Variants in TOR1AIP1 observed in about 807,000 individuals in gnomAD.
TOR1AIP1 encodes torsin 1A interacting protein 1.
In TOR1AIP1, 54 loss-of-function variants were observed where a neutral mutation model predicts 63.3. The ratio of observed to expected loss-of-function variants is 0.85; its 90% CI spans 0.69 to 1.07. The LOEUF (loss-of-function observed/expected upper bound fraction) is 1.07. TOR1AIP1 is among the 50% of genes least tolerant of loss of function. The pLI is 0.00. For missense variants in TOR1AIP1, 736 were observed against 715.0 expected, an observed-to-expected ratio of 1.03 and a Z score of -0.33; for synonymous variants, 294 against 273.5, an observed-to-expected ratio of 1.07 and a Z score of -0.74.
At chr1:179,915,085 TG>T (rs1334884337) in intron 9 of TOR1AIP1, among the ~76,000 whole-genome samples, 1 of 152,232 alleles carries the variant, frequency 6.6e-6, no homozygotes. Context: ...TATATGCTTC[TG>T]TATGCAGTCT....
intron 3 of TOR1AIP1, among the ~76,000 whole-genome samples, chr1:179,897,709 T>C (rs1648330722): frequency 6.6e-6 from 1 of 152,206 alleles, no homozygotes; most frequent in African/African-American, 2.4e-5. Flanking sequence ...GGGACCTTAG[T>C]AAAGCCTACT....
chr1:179,917,742 G>A lies in TOR1AIP1; in HGVS notation c.1255G>A (p.Glu419Lys), dbSNP rs747664520. 23 of 1,614,058 alleles carry A rather than the reference G, an allele frequency of 1.4e-5. No homozygotes were observed. The Admixed American group carries it at 1.5e-4, about 11-fold the overall frequency. ...ACTGCTCACTGCTGCCCGAGATGCTGAAGAAGCACTTAGGTGTCTGAGTGA... is the reference window on the plus strand; with the variant it reads ...ACTGCTCACTGCTGCCCGAGATGCTAAAGAAGCACTTAGGTGTCTGAGTGA... ...ILLLTAARDA[E>K]EALRCLSEQI... The change falls in exon 10 of 10, where the codon GAA becomes AAA. Residue 419 changes from glutamate (E) to lysine (K), a missense_variant. Transcript: ENST00000606911.
intron 3 of TOR1AIP1, among the ~76,000 whole-genome samples, chr1:179,891,058 C>T (rs1299674543): frequency 6.6e-6 from 1 of 152,120 alleles, no homozygotes; most frequent in African/African-American, 2.4e-5. Flanking sequence ...TAGGACCTCC[C>T]ATAAACAGCC....
At position 179,902,781 on chromosome 1, in the gene TOR1AIP1, A is replaced by G. The variant is rs76827983; in HGVS notation, c.740-1185A>G. On this transcript the variant is annotated intron_variant, in intron 5 of 9. Transcript: ENST00000606911. ...ATTGTTGTGGGGGTTAAATTAATTC[A>G]TATATGCAAAGCACTTACCTGGCAC... Among the ~76,000 whole-genome samples, 859 of 152,306 alleles carry G rather than the reference A, an allele frequency of 5.6e-3. 4 individuals carry two copies. The highest frequency in any genetic ancestry group is 8.1e-3 in the Non-Finnish European group (553 of 68,036).
At chr1:179,908,533 T>G (rs1648722541) in intron 7 of TOR1AIP1, 72 bp from the exon 8 acceptor site, 1 of 1,253,842 alleles carries the variant, frequency 8.0e-7, no homozygotes, top group South Asian at 1.3e-5. Context: ...TAGATTAATT[T>G]TATAACACTG....
At chr1:179,898,179 TG>T (rs1648342820) in intron 3 of TOR1AIP1, among the ~76,000 whole-genome samples, 1 of 152,162 alleles carries the variant, frequency 6.6e-6, no homozygotes, top group Non-Finnish European at 1.5e-5. Flanking sequence ...TGTAATAGAC[TG>T]GAAGTCAGAA....
rs1332925790 is a variant in TOR1AIP1, at chr1:179,891,740, A to G, written c.610+2371A>G. Among the ~76,000 whole-genome samples the G allele has an allele frequency of 5.3e-5, 8 of 151,378 alleles. No homozygotes were observed. The South Asian group carries it at 1.7e-3, about 32-fold the overall frequency. On this transcript the variant is annotated intron_variant, in intron 3 of 9. Transcript: ENST00000606911. ...ACCATGACACCCAGCTAATTTTTGT[A>G]TATTTAGTAGAGATGGGGTTTCACC...
chr1:179,918,195 C>T lies in TOR1AIP1; in HGVS notation c.1708C>T (p.Pro570Ser). The part of the protein sequence containing the change: ...LWSRISHLVL[P>S]VQPENALKRG... ...GAGCCGTATTTCTCACTTAGTTCTG[C>T]CTGTGCAACCTGAAAATGCCCTGAA... The change falls in exon 10 of 10, where the codon CCT becomes TCT. Residue 570 changes from proline (P) to serine (S), a missense_variant. By Grantham distance (74) the Pro-to-Ser change is moderately conservative. Coordinates refer to ENST00000606911, the MANE Select transcript of TOR1AIP1 (RefSeq NM_015602.4). 1 of 1,607,588 alleles carries T rather than the reference C, an allele frequency of 6.2e-7. No individual in the cohort carries two copies. The highest frequency in any genetic ancestry group is 8.5e-7 in the Non-Finnish European group (1 of 1,179,502).
chr1:179,899,174 C>G (rs1648371920), intron 3 of TOR1AIP1, among the ~76,000 whole-genome samples: 1 of 151,898 alleles, frequency 6.6e-6, no homozygotes, highest in Non-Finnish European at 1.5e-5. Context: ...TTGAAGAAGT[C>G]TAAATCATGC....
chr1:179,893,156 T>C (rs1648153757), intron 3 of TOR1AIP1, among the ~76,000 whole-genome samples: 1 of 151,828 alleles, frequency 6.6e-6, no homozygotes, highest in East Asian at 1.9e-4. Context: ...GCAGGGAGAA[T>C]TGCCTGAACC....
At chr1:179,909,647 A>G (rs1409949546) in intron 8 of TOR1AIP1, among the ~76,000 whole-genome samples, 1 of 152,188 alleles carries the variant, frequency 6.6e-6, no homozygotes, top group Non-Finnish European at 1.5e-5. Flanking sequence ...CATATTGGTC[A>G]GGCTGGTCTT....
chr1:179,907,591 CTTTA>C (rs1558044867), intron 6 of TOR1AIP1, among the ~76,000 whole-genome samples: 1 of 133,726 alleles, frequency 7.5e-6, no homozygotes, highest in South Asian at 2.2e-4. Context: ...TACACACACA[CTTTA>C]TATATATATA....
chr1:179,885,691 T>C (rs115686233), intron 2 of TOR1AIP1, among the ~76,000 whole-genome samples: 24 of 152,336 alleles, frequency 1.6e-4, no homozygotes, highest in Non-Finnish European at 3.5e-4. Flanking sequence ...AGAATAAGTA[T>C]GTCTGGTTCA....
At chr1:179,914,097 T>C (rs757017269) in intron 9 of TOR1AIP1, 43 bp downstream of exon 9, 3 of 1,551,068 alleles carry the variant, frequency 1.9e-6, no homozygotes, top group South Asian at 2.3e-5. Context: ...TTCTGTAAAA[T>C]TGGTATTCCA....
intron 3 of TOR1AIP1, among the ~76,000 whole-genome samples, chr1:179,897,539 G>A (rs753483563): frequency 6.6e-6 from 1 of 152,150 alleles, no homozygotes; most frequent in African/African-American, 2.4e-5. Flanking sequence ...ACTGTGTACT[G>A]TACTGTACTA....
At chr1:179,914,104 T>G in intron 9 of TOR1AIP1, 50 bp downstream of exon 9, 1 of 1,523,888 alleles carries the variant, frequency 6.6e-7, no homozygotes, top group Non-Finnish European at 9.0e-7. Flanking sequence ...AAATTGGTAT[T>G]CCATAATTGT....
At chr1:179,909,336 G>C (rs1036719659) in intron 8 of TOR1AIP1, among the ~76,000 whole-genome samples, 1 of 152,080 alleles carries the variant, frequency 6.6e-6, no homozygotes, top group Non-Finnish European at 1.5e-5. Flanking sequence ...CATAATAAAG[G>C]CTGAAATGCA....
At chr1:179,912,062 T>C (rs1047039921) in intron 8 of TOR1AIP1, among the ~76,000 whole-genome samples, 1 of 149,594 alleles carries the variant, frequency 6.7e-6, no homozygotes, top group African/African-American at 2.5e-5. Flanking sequence ...TCTTGCTCTG[T>C]TGCCTAGGCT....
In TOR1AIP1 at chr1:179,882,570, C is replaced by A. The variant is rs1647740253; in HGVS notation, c.68C>A (p.Ala23Asp). ...TGGGGTGTGTACGTCACCCCCAGGG[C>A]CCCCATCCGAGAGGGAAGGGGCCGG... Reference protein sequence around the residue: ...EGWGVYVTPRAPIREGRGRLA... With the variant: ...EGWGVYVTPRDPIREGRGRLA... Residue 23 changes from alanine (A) to aspartate (D), a missense_variant, in exon 1 of 10, where the codon GCC becomes GAC. Physicochemically the swap from Ala to Asp is moderately radical, Grantham distance 126. Transcript: ENST00000606911. 1.3e-6 allele frequency: 2 copies of A among 1,515,682 alleles called. No individual in the cohort carries two copies. Among genetic ancestry groups the A allele is most frequent in the Non-Finnish European group, 1.8e-6 (2 of 1,135,942 alleles). The allele number at this position is 1,515,682 out of a possible 1,614,324, so 93.9% of individuals were successfully genotyped here.
Sources: allele counts gnomAD v4.1 joint callset (sites outside exome capture counted in the v4.1 genomes callset), GRCh38; gene constraint gnomAD v4.1.1; transcripts MANE v1.5; gene names NCBI Gene and HGNC (gene_info 2026-07-23, HGNC 2026-07-21).